Variants in LASP1 observed in about 807,000 individuals in gnomAD.
LASP1 encodes LIM and SH3 protein 1, also known as LIM and SH3 domain protein 1.
LASP1 carries 10 observed loss-of-function variants against 38.6 expected under a neutral mutation model. That is an observed-to-expected ratio of 0.26 (90% confidence interval 0.16 to 0.44). The LOEUF (loss-of-function observed/expected upper bound fraction) is 0.44. Ranked by LOEUF, LASP1 falls within the 20% of genes least tolerant of loss-of-function variation. The probability of loss-of-function intolerance (pLI) is 1.00; values close to 1 mark genes in which losing one functional copy is unlikely to be tolerated. For synonymous variants in LASP1, 132 were observed against 140.8 expected, an observed-to-expected ratio of 0.94 and a Z score of 0.44; for missense variants, 243 against 375.7, an observed-to-expected ratio of 0.65 and a Z score of 2.92.
At chr17:38,886,718 T>C (rs1288549714) in intron 2 of LASP1, among the ~76,000 whole-genome samples, 1 of 151,328 alleles carries the variant, frequency 6.6e-6, no homozygotes, top group Non-Finnish European at 1.5e-5. Flanking sequence ...TGTGTGGACA[T>C]GGCCTCAATG....
chr17:38,908,590 G>A (rs1272274819), intron 4 of LASP1, among the ~76,000 whole-genome samples: 2 of 152,246 alleles, frequency 1.3e-5, no homozygotes, highest in African/African-American at 2.4e-5. Context: ...CGTGGGTGCC[G>A]GTCCTTGCTC....
At chr17:38,889,934 C>G (rs1914256146) in intron 2 of LASP1, among the ~76,000 whole-genome samples, 1 of 152,210 alleles carries the variant, frequency 6.6e-6, no homozygotes, top group Non-Finnish European at 1.5e-5. Flanking sequence ...AGGAAGTCCC[C>G]CTGGATATGT....
intron 3 of LASP1, among the ~76,000 whole-genome samples, chr17:38,891,868 G>A (rs1005636448): frequency 2.0e-5 from 3 of 152,160 alleles, no homozygotes; most frequent in Admixed American, 2.0e-4. Flanking sequence ...GCCAAGGTAA[G>A]AGGATCACTT....
At chr17:38,915,257 G>C (rs1374672780) in intron 6 of LASP1, 111 bp downstream of exon 6, 2 of 843,500 alleles carry the variant, frequency 2.4e-6, no homozygotes, top group African/African-American at 3.4e-5. Context: ...TGTTGTGTGT[G>C]ATGATAAGGA....
At chr17:38,911,527 C>T (rs1011205908) in intron 4 of LASP1, among the ~76,000 whole-genome samples, 3 of 152,172 alleles carry the variant, frequency 2.0e-5, no homozygotes, top group African/African-American at 7.2e-5. Context: ...GTATCTCCTT[C>T]CCTTGTCTTC....
At chr17:38,886,068 C>T (rs1914118087) in intron 2 of LASP1, among the ~76,000 whole-genome samples, 1 of 152,090 alleles carries the variant, frequency 6.6e-6, no homozygotes, top group Non-Finnish European at 1.5e-5. Context: ...GCCTCTTCCT[C>T]AACCCCCGTA....
At position 38,914,967 on chromosome 17, in the gene LASP1, TGGACTTCTCG is replaced by T. The variant is rs774987418; in HGVS notation, c.509-72_509-63del. On this transcript the variant is annotated intron_variant, in intron 5 of 6. Transcript: ENST00000318008. ...GGGGGCGGGGTGGAAGTGCATGGTA[TGGACTTCTCG>T]GGAGCTCTGGGAGGGGCTGGGTTTG... 7 of 1,390,352 alleles carry T rather than the reference TGGACTTCTCG, an allele frequency of 5.0e-6. No individual in the cohort carries two copies. In the African/African-American group the frequency reaches 8.6e-5, roughly 17 times the overall value. The allele number at this position is 1,390,352 out of a possible 1,614,324, so 86.1% of individuals were successfully genotyped here.
At chr17:38,892,983 G>A (rs184354845) in intron 3 of LASP1, among the ~76,000 whole-genome samples, 130 of 144,794 alleles carry the variant, frequency 9.0e-4, no homozygotes, top group Middle Eastern at 3.8e-3. Flanking sequence ...GCGTGTGCAC[G>A]CATGCACGCG....
chr17:38,896,615 G>A (rs953326245), intron 3 of LASP1, among the ~76,000 whole-genome samples: 13 of 152,244 alleles, frequency 8.5e-5, no homozygotes, highest in African/African-American at 3.1e-4. Context: ...ACTGGCACTC[G>A]TTCAGCACTT....
Position 38,921,691 on chromosome 17 carries a change from T to G in LASP1, c.*2913T>G, listed in dbSNP as rs1031616645. ...GGGATCAAACCTTTCTGGCCTGTTA[T>G]GATTCTGAACATTTGACTTGAACCA... On this transcript the variant is annotated 3_prime_UTR_variant, in exon 7 of 7. Coordinates refer to ENST00000318008, the MANE Select transcript of LASP1 (RefSeq NM_006148.4). The G allele has an allele frequency of 8.7e-6, 2 of 230,960 alleles. No individual in the cohort carries two copies. The highest frequency in any genetic ancestry group is 8.6e-6 in the Non-Finnish European group (1 of 116,678). The allele number at this position is 230,960 out of a possible 1,614,324, so 14.3% of individuals were successfully genotyped here.
intron 4 of LASP1, among the ~76,000 whole-genome samples, chr17:38,904,983 G>T (rs1025960672): frequency 1.3e-5 from 2 of 152,166 alleles, no homozygotes; most frequent in African/African-American, 4.8e-5. Flanking sequence ...TGCTTTTCCT[G>T]ATTTTGAACA....
In LASP1 at chr17:38,918,652, G is replaced by A; in HGVS notation, c.660G>A (p.Glu220=). 10 of 1,612,654 alleles carry A rather than the reference G, an allele frequency of 6.2e-6. No homozygotes were observed. Among genetic ancestry groups the A allele is most frequent in the Non-Finnish European group, 7.6e-6 (9 of 1,178,952 alleles). The change falls in exon 7 of 7, where the codon GAG becomes GAA. Residue 220 remains glutamate (E), a synonymous_variant. Coordinates refer to ENST00000318008, the MANE Select transcript of LASP1 (RefSeq NM_006148.4). This position sits in a 1 kb window ranked among gnomAD's most constrained non-coding sequence, Gnocchi z 4.4. ...VYDYSAADED[E]VSFQDGDTIV... is the part of the protein sequence containing the mutation. ...ACTACAGCGCCGCCGACGAGGACGA[G>A]GTCTCCTTCCAGGACGGGGACACCA...
At chr17:38,877,082 A>G (rs1294689042) in intron 1 of LASP1, among the ~76,000 whole-genome samples, 1 of 152,098 alleles carries the variant, frequency 6.6e-6, no homozygotes, top group South Asian at 2.1e-4. Flanking sequence ...AACACACACA[A>G]TCTCCAGTGT....
rs1343536611 is a variant in LASP1 at position 38,920,421 on chromosome 17, C to G, written c.*1643C>G. 2 of 294,070 alleles carry G rather than the reference C, an allele frequency of 6.8e-6. No individual in the cohort carries two copies. Among genetic ancestry groups the G allele is most frequent in the Admixed American group, 4.3e-5 (1 of 23,048 alleles). 18.2% of individuals were successfully genotyped at this position (294,070 alleles called of 1,614,324 possible). A position where few individuals can be genotyped will look rare whatever the true frequency, so the allele number is the denominator to read the frequency against. On this transcript the variant is annotated 3_prime_UTR_variant, in exon 7 of 7. Transcript: ENST00000318008. ...CGGTGCTATATCCAGTTCCTGCTCT[C>G]TGCTCATGGGTGGCTGTGACAACCC...
At chr17:38,917,693 TC>T (rs1307692369) in intron 6 of LASP1, among the ~76,000 whole-genome samples, 3 of 152,016 alleles carry the variant, frequency 2.0e-5, no homozygotes, top group Non-Finnish European at 4.4e-5. Flanking sequence ...GTTTTTTTTT[TC>T]TTTTTTGAGA....
chr17:38,914,640 G>A (rs77608225), intron 5 of LASP1, among the ~76,000 whole-genome samples, 165 bp downstream of exon 5: 14,720 of 151,438 alleles, frequency 0.097, 763 homozygotes, highest in East Asian at 0.17. Flanking sequence ...ACCTGAGGCC[G>A]GGCCAGCTGG....
In LASP1 at chr17:38,918,495, T is replaced by C. The variant is rs747703777; in HGVS notation, c.613-110T>C. 3.7e-6 allele frequency: 4 copies of C among 1,087,422 alleles called. No individual in the cohort carries two copies. Among genetic ancestry groups the C allele is most frequent in the Non-Finnish European group, 5.3e-6 (4 of 755,946 alleles). The allele number at this position is 1,087,422 out of a possible 1,614,324, so 67.4% of individuals were successfully genotyped here. On this transcript the variant is annotated intron_variant, in intron 6 of 6. Coordinates refer to ENST00000318008, the MANE Select transcript of LASP1 (RefSeq NM_006148.4). This position sits in a 1 kb window ranked among gnomAD's most constrained non-coding sequence, Gnocchi z 4.4. ...CAGAGCCTGGTGCTCCATTTCTGAGTTCACTGCTCCCCCAGGCTCTGCTCC... is the reference window on the plus strand; with the variant it reads ...CAGAGCCTGGTGCTCCATTTCTGAGCTCACTGCTCCCCCAGGCTCTGCTCC...
chr17:38,891,790 T>C (rs143825349), intron 3 of LASP1, among the ~76,000 whole-genome samples: 2 of 152,342 alleles, frequency 1.3e-5, no homozygotes, highest in African/African-American at 4.8e-5. Flanking sequence ...TTCCTTATGC[T>C]GTTGAGAAGT....
chr17:38,892,551 G>GAC (rs530593526), intron 3 of LASP1, among the ~76,000 whole-genome samples: 12,130 of 143,710 alleles, frequency 0.084, 511 homozygotes, highest in African/African-American at 0.11. Context: ...GGTCTTTGGA[G>GAC]ACACACACAC....
Sources: allele counts gnomAD v4.1 joint callset (sites outside exome capture counted in the v4.1 genomes callset), GRCh38; gene constraint gnomAD v4.1.1; non-coding constraint Gnocchi (gnomAD v3.1); transcripts MANE v1.5; gene names NCBI Gene and HGNC (gene_info 2026-07-23, HGNC 2026-07-21).